ATE1: variants seen among roughly 807,000 people sequenced by gnomAD.
ATE1 encodes the protein arginyl-tRNA--protein transferase 1.
A neutral mutation model predicts 70.5 loss-of-function variants in ATE1; 36 were observed. That is an observed-to-expected ratio of 0.51 (90% CI 0.39 to 0.67). ATE1 has a LOEUF of 0.67. ATE1 is among the 30% of genes least tolerant of loss of function. The probability of loss-of-function intolerance (pLI) is 0.00; values close to 1 mark genes in which losing one functional copy is unlikely to be tolerated. For synonymous variants in ATE1, 232 were observed against 219.3 expected (o/e 1.06, Z -0.51); for missense variants, 593 against 629.5 (o/e 0.94, Z 0.62).
At chr10:121,800,660 GAAC>G (rs148447304) in intron 10 of ATE1, among the ~76,000 whole-genome samples, 4,470 of 152,102 alleles carry the variant, frequency 0.029, 110 homozygotes, top group African/African-American at 0.072. Flanking sequence ...TAGTAGCACT[GAAC>G]AACAACAAAA....
rs181909622 is a variant in ATE1, at chr10:121,852,006, G to T, written c.976-10743C>A. ...CCCAAAATGGGTGCATATTTACTGTGATAAAGTAGACCTGTCTCTTTACCC... is the reference window on the plus strand; with the variant it reads ...CCCAAAATGGGTGCATATTTACTGTTATAAAGTAGACCTGTCTCTTTACCC... On this transcript the variant is annotated intron_variant, in intron 8 of 11. Transcript: ENST00000224652. Among the ~76,000 whole-genome samples, 608 of 152,340 alleles carry T rather than the reference G, an allele frequency of 4.0e-3. 5 individuals carry two copies. Among genetic ancestry groups the T allele is most frequent in the Non-Finnish European group, 4.1e-3 (281 of 68,032 alleles).
Position 121,844,210 on chromosome 10 carries a change from A to G in ATE1, c.976-2947T>C, listed in dbSNP as rs569079335. Reference sequence around the variant, plus strand: ...AGCCCAGGAGTTCAAGGCTGCAGTGAGCTAAGATCGTGCCACTGCACTTCA... The same window carrying G: ...AGCCCAGGAGTTCAAGGCTGCAGTGGGCTAAGATCGTGCCACTGCACTTCA... On this transcript the variant is annotated intron_variant, in intron 8 of 11. Transcript: ENST00000224652. Among the ~76,000 whole-genome samples, 8 of 152,354 alleles carry G rather than the reference A, an allele frequency of 5.3e-5. No individual in the cohort carries two copies. In the East Asian group the frequency reaches 1.5e-3, roughly 29 times the overall value.
chr10:121,905,747 AG>A (rs1197559020), intron 5 of ATE1, among the ~76,000 whole-genome samples: 1 of 152,140 alleles, frequency 6.6e-6, no homozygotes, highest in African/African-American at 2.4e-5. Flanking sequence ...TGGGAACCTG[AG>A]GCAGGAGAAT....
At chr10:121,810,021 A>G (rs1370322010) in intron 10 of ATE1, among the ~76,000 whole-genome samples, 1 of 152,206 alleles carries the variant, frequency 6.6e-6, no homozygotes, top group African/African-American at 2.4e-5. Flanking sequence ...TGAACCAGTG[A>G]TGTCCAATTA....
intron 8 of ATE1, 45 bp downstream of exon 8, chr10:121,869,961 G>A (rs546721967): frequency 2.6e-5 from 40 of 1,523,388 alleles, no homozygotes; most frequent in Non-Finnish European, 3.4e-5. Flanking sequence ...CAACAATGGT[G>A]TTCAATTACC....
At chr10:121,819,679 C>CAA (rs57035123) in intron 10 of ATE1, among the ~76,000 whole-genome samples, 7,809 of 52,598 alleles carry the variant, frequency 0.15, 2,016 homozygotes, top group East Asian at 0.31. Context: ...AAGACTGTCT[C>CAA]AAAAAAAAAA....
At chr10:121,897,824 C>CAAAA (rs59751617) in intron 7 of ATE1, among the ~76,000 whole-genome samples, 3 of 101,800 alleles carry the variant, frequency 2.9e-5, no homozygotes, top group South Asian at 6.6e-4. Flanking sequence ...GACTCCGTCT[C>CAAAA]AAAAAAAAAA....
intron 10 of ATE1, among the ~76,000 whole-genome samples, chr10:121,817,278 C>T (rs542290802): frequency 1.1e-4 from 16 of 152,340 alleles, no homozygotes; most frequent in Admixed American, 9.1e-4. Context: ...CAGCGGCTCA[C>T]GCCTGTAATC....
At chr10:121,767,957 A>G (rs942898980) in intron 11 of ATE1, among the ~76,000 whole-genome samples, 1 of 152,240 alleles carries the variant, frequency 6.6e-6, no homozygotes, top group African/African-American at 2.4e-5. Context: ...CAATAGCCAA[A>G]AGGTGAAGCA....
At chr10:121,859,835 G>A (rs1289204083) in intron 8 of ATE1, among the ~76,000 whole-genome samples, 9 of 152,186 alleles carry the variant, frequency 5.9e-5, no homozygotes, top group African/African-American at 1.7e-4. Context: ...CCAGCTATTC[G>A]GAAGGCTGAG....
At chr10:121,859,056 T>G (rs571581439) in intron 8 of ATE1, among the ~76,000 whole-genome samples, 1 of 151,532 alleles carries the variant, frequency 6.6e-6, no homozygotes, top group East Asian at 1.9e-4. Context: ...GATCGCACCA[T>G]TGCACTCCAG....
chr10:121,745,185 A>C lies in ATE1; in HGVS notation c.1379-1327T>G, dbSNP rs79653734. On this transcript the variant is annotated intron_variant, in intron 11 of 11. Coordinates refer to ENST00000224652, the MANE Select transcript of ATE1 (RefSeq NM_001001976.3). ...TTACTGGCAGTCACTCCTAATCCTA[A>C]AGAATATAGAGAATAATGTTACAGT... 1.1e-4 allele frequency among the ~76,000 whole-genome samples: 16 copies of C among 152,324 alleles called. No homozygotes were observed. In the East Asian group the frequency reaches 2.9e-3, roughly 27 times the overall value.
intron 8 of ATE1, among the ~76,000 whole-genome samples, chr10:121,843,178 A>G (rs1948694629): frequency 6.6e-6 from 1 of 152,226 alleles, no homozygotes; most frequent in African/African-American, 2.4e-5. Context: ...CTATATACCA[A>G]CAATGACTGG....
At chr10:121,802,142 G>A (rs1946907448) in intron 10 of ATE1, among the ~76,000 whole-genome samples, 1 of 152,042 alleles carries the variant, frequency 6.6e-6, no homozygotes, top group South Asian at 2.1e-4. Context: ...TGGATTCACA[G>A]CCCTTTTGCC....
chr10:121,816,052 G>A (rs145997070), intron 10 of ATE1, among the ~76,000 whole-genome samples: 39 of 152,268 alleles, frequency 2.6e-4, no homozygotes, highest in Non-Finnish European at 4.4e-4. Context: ...TAGGAACTCA[G>A]AATGGGCGCC....
chr10:121,884,047 AGTGAGCCG>A (rs1950303613), intron 7 of ATE1, among the ~76,000 whole-genome samples: 1 of 127,632 alleles, frequency 7.8e-6, no homozygotes, highest in East Asian at 2.7e-4. Flanking sequence ...CAGAGGTTGC[AGTGAGCCG>A]AGATGGCACC....
intron 11 of ATE1, among the ~76,000 whole-genome samples, chr10:121,764,496 A>G (rs1321661789): frequency 2.0e-5 from 3 of 152,116 alleles, no homozygotes; most frequent in Non-Finnish European, 4.4e-5. Context: ...AAAAAAAAAA[A>G]AAAAAAGATT....
intron 8 of ATE1, among the ~76,000 whole-genome samples, chr10:121,859,066 G>A (rs1265747994): frequency 1.3e-5 from 2 of 151,798 alleles, no homozygotes; most frequent in Non-Finnish European, 2.9e-5. Context: ...TTGCACTCCA[G>A]CCTAGGCAAT....
intron 10 of ATE1, among the ~76,000 whole-genome samples, chr10:121,791,411 T>C (rs1372144361): frequency 1.3e-5 from 2 of 151,938 alleles, no homozygotes; most frequent in Non-Finnish European, 2.9e-5. Context: ...ATTTTTATAA[T>C]CCAATTATAC....
Sources: allele counts gnomAD v4.1 joint callset (sites outside exome capture counted in the v4.1 genomes callset), GRCh38; gene constraint gnomAD v4.1.1; transcripts MANE v1.5; gene names NCBI Gene and HGNC (gene_info 2026-07-23, HGNC 2026-07-21).